L2HGDH: variants seen among roughly 807,000 people sequenced by gnomAD.
L2HGDH encodes the protein L-2-hydroxyglutarate dehydrogenase, mitochondrial.
Under a neutral mutation model 51.5 loss-of-function variants are expected in L2HGDH, and 34 were observed. That is an observed-to-expected ratio of 0.66 (90% CI 0.50 to 0.88). L2HGDH has a LOEUF of 0.88. Ranked by LOEUF, L2HGDH falls within the 40% of genes least tolerant of loss-of-function variation. The probability of loss-of-function intolerance (pLI) is 0.00; values close to 1 mark genes in which losing one functional copy is unlikely to be tolerated. For synonymous variants in L2HGDH, 198 were observed against 197.9 expected, an observed-to-expected ratio of 1.00 and a Z score of -0.01; for missense variants, 558 against 571.9, an observed-to-expected ratio of 0.98 and a Z score of 0.25.
rs1036974235 is a variant in L2HGDH, at chr14:50,291,221, A to C, written c.540+2894T>G. ...TCAAAAAAAAAAAAAAAAAAAAAAA[A>C]AAACAAACAAAAAACATTTTTAGTT... On this transcript the variant is annotated intron_variant, in intron 4 of 9. Coordinates refer to ENST00000267436, the MANE Select transcript of L2HGDH (RefSeq NM_024884.3). 1.0e-3 allele frequency among the ~76,000 whole-genome samples: 156 copies of C among 151,296 alleles called. 3 individuals carry two copies. Among genetic ancestry groups the C allele is most frequent in the African/African-American group, 1.5e-3 (63 of 41,300 alleles).
At position 50,245,542 on chromosome 14, in the gene L2HGDH, A is replaced by G; in HGVS notation, c.*1516T>C. ...GATAGAAACTTATTCAAACTACTCA[A>G]AAATGTAAATTTTATGTATTTTCTT... On this transcript the variant is annotated 3_prime_UTR_variant, in exon 10 of 10. Transcript: ENST00000267436. The G allele has an allele frequency of 1.0e-6, 1 of 969,176 alleles. No individual in the cohort carries two copies. The highest frequency in any genetic ancestry group is 1.8e-5 in the African/African-American group (1 of 56,996). 60.0% of individuals were successfully genotyped at this position (969,176 alleles called of 1,614,324 possible).
intron 1 of L2HGDH, among the ~76,000 whole-genome samples, chr14:50,309,008 A>G (rs1012071771): frequency 7.9e-5 from 10 of 126,160 alleles, no homozygotes; most frequent in African/African-American, 2.6e-4. Context: ...AAAAAAGCCA[A>G]TCTCCAAAGG....
intron 6 of L2HGDH, among the ~76,000 whole-genome samples, chr14:50,270,509 T>C (rs1397168046): frequency 6.6e-6 from 1 of 151,732 alleles, no homozygotes; most frequent in African/African-American, 2.4e-5. Context: ...TTGTTGTTGT[T>C]GTTGTTGTTG....
intron 5 of L2HGDH, chr14:50,282,549 C>T: frequency 2.2e-6 from 1 of 455,928 alleles, no homozygotes; most frequent in African/African-American, 2.0e-5. Flanking sequence ...CAGTAATTAA[C>T]TATGTGGGCT....
chr14:50,269,875 T>C (rs1427173856), intron 6 of L2HGDH, among the ~76,000 whole-genome samples: 10 of 151,944 alleles, frequency 6.6e-5, no homozygotes, highest in Admixed American at 6.6e-4. Context: ...AAAATCATTT[T>C]AAAATTAAAG....
At position 50,245,021 on chromosome 14, in the gene L2HGDH, A is replaced by C. The variant is rs1887936927; in HGVS notation, c.*2037T>G. The C allele has an allele frequency of 7.1e-6, 7 of 985,596 alleles. No individual in the cohort carries two copies. In the South Asian group the frequency reaches 1.9e-4, roughly 26 times the overall value. 61.1% of individuals were successfully genotyped at this position (985,596 alleles called of 1,614,324 possible). ...TAAATTATAAGAATAATTTCGATAG[A>C]TACCACAAAACACATATATACAGGA... On this transcript the variant is annotated 3_prime_UTR_variant, in exon 10 of 10. Transcript: ENST00000267436.
chr14:50,243,211 T>C lies in L2HGDH; in HGVS notation c.*3847A>G. 2.0e-6 allele frequency: 2 copies of C among 985,372 alleles called. No individual in the cohort carries two copies. Among genetic ancestry groups the C allele is most frequent in the Non-Finnish European group, 2.4e-6 (2 of 829,892 alleles). The allele number at this position is 985,372 out of a possible 1,614,324, so 61.0% of individuals were successfully genotyped here. A position where few individuals can be genotyped will look rare whatever the true frequency, so the allele number is the denominator to read the frequency against. Reference sequence around the variant, plus strand: ...ATATGTATGGATAAAAGAGTTAAGCTACGTAACATGAAACACCAAAAATAT... The same window carrying C: ...ATATGTATGGATAAAAGAGTTAAGCCACGTAACATGAAACACCAAAAATAT... On this transcript the variant is annotated 3_prime_UTR_variant, in exon 10 of 10. Coordinates refer to ENST00000267436, the MANE Select transcript of L2HGDH (RefSeq NM_024884.3).
chr14:50,311,077 T>C (rs2031126612), intron 1 of L2HGDH, among the ~76,000 whole-genome samples: 1 of 151,458 alleles, frequency 6.6e-6, no homozygotes, highest in Non-Finnish European at 1.5e-5. Flanking sequence ...GTAGTTGGGA[T>C]TACAGGCGCC....
rs1889430048 is a variant in L2HGDH at position 50,267,775 on chromosome 14, C to T, written c.1042G>A (p.Val348Ile). 2 of 1,611,964 alleles carry T rather than the reference C, an allele frequency of 1.2e-6. No individual in the cohort carries two copies. The highest frequency in any genetic ancestry group is 1.7e-6 in the Non-Finnish European group (2 of 1,178,050). The stretch of plus-strand genomic sequence containing the variant: ...TACCTATTGATAATTATATCCATAA[C>T]ATCTGTGGCACTGAAGTCAAAGGGT... ...YRPFDFSATD[V>I]MDIIINSGLI... The change falls in exon 8 of 10, where the codon GTT becomes ATT. Residue 348 changes from valine to isoleucine, a missense_variant. Val to Ile is a conservative substitution (Grantham distance 29, BLOSUM62 3). Around this residue, in one of 3 missense-constraint regions of L2HGDH, gnomAD observed 321 missense variants for 311.8 expected, o/e 1.03. Coordinates refer to ENST00000267436, the MANE Select transcript of L2HGDH (RefSeq NM_024884.3).
chr14:50,302,671 C>T (rs1482928532), intron 2 of L2HGDH, among the ~76,000 whole-genome samples: 1 of 152,222 alleles, frequency 6.6e-6, no homozygotes, highest in East Asian at 1.9e-4. Context: ...CACCCCCTCA[C>T]TCCTGTTTCC....
Position 50,283,948 on chromosome 14 carries a change from G to C in L2HGDH, c.626C>G (p.Ala209Gly). ...AAAATTGGTCAAGACAGAGCCACCT[G>C]CTTCTTGGAAATCCTGGGCAAATGA... ...ALSFAQDFQEAGGSVLTNFEV... is the reference protein window; with the variant it reads ...ALSFAQDFQEGGGSVLTNFEV... Residue 209 changes from alanine to glycine, a missense_variant, in exon 5 of 10, where the codon GCA becomes GGA. Ala to Gly is a moderately conservative substitution (Grantham distance 60, BLOSUM62 0). This residue lies in a region of L2HGDH where 321 missense variants were observed against 311.8 expected (regional missense o/e 1.03). Coordinates refer to ENST00000267436, the MANE Select transcript of L2HGDH (RefSeq NM_024884.3). 3 of 1,614,002 alleles carry C rather than the reference G, an allele frequency of 1.9e-6. No homozygotes were observed. The highest frequency in any genetic ancestry group is 2.5e-6 in the Non-Finnish European group (3 of 1,179,946).
chr14:50,311,917 G>A (rs1236017958), intron 1 of L2HGDH, 94 bp downstream of exon 1: 3 of 1,501,386 alleles, frequency 2.0e-6, no homozygotes, highest in Non-Finnish European at 2.7e-6. Flanking sequence ...CTCACCCCGG[G>A]ACAGGGAAAT....
intron 1 of L2HGDH, among the ~76,000 whole-genome samples, chr14:50,303,247 C>T (rs565744666): frequency 6.6e-6 from 1 of 151,818 alleles, no homozygotes; most frequent in Non-Finnish European, 1.5e-5. Flanking sequence ...CATGGTGAAA[C>T]CCCGTCTCTA....
intron 4 of L2HGDH, among the ~76,000 whole-genome samples, chr14:50,287,889 G>A (rs1362740825): frequency 6.6e-6 from 1 of 151,404 alleles, no homozygotes; most frequent in Admixed American, 6.6e-5. Flanking sequence ...GTAGAGACGG[G>A]GTTTAACCGT....
intron 9 of L2HGDH, among the ~76,000 whole-genome samples, chr14:50,250,591 G>A (rs1888288726): frequency 1.3e-5 from 2 of 152,332 alleles, no homozygotes; most frequent in South Asian, 2.1e-4. Flanking sequence ...AGGGCCCTGG[G>A]CAAGACCCAG....
At position 50,308,209 on chromosome 14, in the gene L2HGDH, G is replaced by A. The variant is rs2030842440; in HGVS notation, c.140+3802C>T. 2.0e-5 allele frequency among the ~76,000 whole-genome samples: 3 copies of A among 152,168 alleles called. No homozygotes were observed. The South Asian group carries it at 6.2e-4, about 31-fold the overall frequency. ...AGTTTGAGACCAGCCATGCCAACAT[G>A]GAGAAACCCCATCTCTACTAAAAAG... On this transcript the variant is annotated intron_variant, in intron 1 of 9. Transcript: ENST00000267436.
chr14:50,272,995 G>A (rs759648752), intron 6 of L2HGDH, among the ~76,000 whole-genome samples: 50 of 152,106 alleles, frequency 3.3e-4, no homozygotes, highest in Non-Finnish European at 5.7e-4. Context: ...GGACTGTGGT[G>A]CAGAAAATAT....
intron 2 of L2HGDH, 76 bp downstream of exon 2, chr14:50,302,826 G>C: frequency 1.0e-6 from 1 of 966,008 alleles, no homozygotes; most frequent in Non-Finnish European, 1.7e-6. Flanking sequence ...CTGACATTCA[G>C]CATGAAAGAT....
At position 50,290,813 on chromosome 14, in the gene L2HGDH, G is replaced by A. The variant is rs181708623; in HGVS notation, c.540+3302C>T. The stretch of plus-strand genomic sequence containing the variant: ...CAAGTGGCTGGGACTACAGGCACAC[G>A]CCACCACGCCTGGCTGAATTTCATA... On this transcript the variant is annotated intron_variant, in intron 4 of 9. Transcript: ENST00000267436. Among the ~76,000 whole-genome samples the A allele has an allele frequency of 1.8e-3, 270 of 152,024 alleles. 2 individuals carry two copies. Among genetic ancestry groups the A allele is most frequent in the African/African-American group, 5.0e-3 (208 of 41,482 alleles).
Sources: gnomAD v4.1 joint callset for allele counts (sites outside exome capture counted in the v4.1 genomes callset) on GRCh38, gnomAD v4.1.1 for gene constraint, gnomAD v4.1.1 regional missense constraint, MANE v1.5 for transcripts, NCBI Gene and HGNC (gene_info 2026-07-23, HGNC 2026-07-21) for gene names.